Variants in SH3D19 observed in about 807,000 individuals in gnomAD.
SH3D19 encodes the protein SH3 domain-containing protein 19.
SH3D19 carries 58 observed loss-of-function variants against 112.1 expected under a neutral mutation model. That is an observed-to-expected ratio of 0.52 (90% CI 0.42 to 0.64). The LOEUF (loss-of-function observed/expected upper bound fraction) is 0.64. Ranked by LOEUF, SH3D19 falls within the 30% of genes least tolerant of loss-of-function variation. The pLI, the probability that SH3D19 is intolerant of heterozygous loss-of-function variation, is 0.00. For synonymous variants in SH3D19, 391 were observed against 448.5 expected, an observed-to-expected ratio of 0.87 and a Z score of 1.62; for missense variants, 1,090 against 1,263.4, an observed-to-expected ratio of 0.86 and a Z score of 2.08.
intron 19 of SH3D19, among the ~76,000 whole-genome samples, chr4:151,126,867 C>A (rs367784210): frequency 1.1e-5 from 1 of 88,332 alleles, no homozygotes; most frequent in South Asian, 3.9e-4. Context: ...GGCATTTCTT[C>A]GGTGAAAAAA....
intron 1 of SH3D19, among the ~76,000 whole-genome samples, chr4:151,270,784 A>C (rs1773175847): frequency 1.3e-5 from 2 of 152,198 alleles, no homozygotes; most frequent in African/African-American, 4.8e-5. Context: ...CTGTATATGG[A>C]CTAATTCTAG....
At chr4:151,125,013 C>G (rs1273825072) in intron 19 of SH3D19, among the ~76,000 whole-genome samples, 1 of 152,082 alleles carries the variant, frequency 6.6e-6, no homozygotes, top group Admixed American at 6.6e-5. Context: ...AAACGGGATA[C>G]ATTTTGAGCC....
At position 151,124,688 on chromosome 4, in the gene SH3D19, C is replaced by T. The variant is rs1028079849; in HGVS notation, c.3028-2481G>A. Among the ~76,000 whole-genome samples, 7 of 152,066 alleles carry T rather than the reference C, an allele frequency of 4.6e-5. No homozygotes were observed. In the East Asian group the frequency reaches 1.4e-3, roughly 30 times the overall value. On this transcript the variant is annotated intron_variant, in intron 19 of 19. Transcript: ENST00000604030. ...AGCCGAGATCGCGCCGCTGACTGCA[C>T]TCCAGCCTGGGCAGCAGAACAAGAC... is the stretch of plus-strand genomic sequence containing the variant.
intron 1 of SH3D19, chr4:151,282,216 T>G: frequency 6.2e-7 from 1 of 1,613,926 alleles, no homozygotes; most frequent in Non-Finnish European, 8.5e-7. Flanking sequence ...AGGAAACGTG[T>G]GAAGTACTAC....
intron 1 of SH3D19, among the ~76,000 whole-genome samples, chr4:151,271,757 A>AAATCCC (rs1244569461): frequency 6.6e-6 from 1 of 152,248 alleles, no homozygotes; most frequent in East Asian, 1.9e-4. Flanking sequence ...AATAATAAAA[A>AAATCCC]TAACAGCTGC....
At chr4:151,277,069 G>T in intron 1 of SH3D19, 2 of 810,598 alleles carry the variant, frequency 2.5e-6, no homozygotes, top group South Asian at 9.6e-5. Flanking sequence ...TGAAGCAGAG[G>T]AATCCATCTA....
chr4:151,268,318 G>C (rs568810860), intron 1 of SH3D19, among the ~76,000 whole-genome samples: 1 of 150,370 alleles, frequency 6.7e-6, no homozygotes, highest in Non-Finnish European at 1.5e-5. Flanking sequence ...TGGAGCTTGC[G>C]GGAATAGAAG....
In SH3D19 at chr4:151,172,894, C is replaced by A. The variant is rs569759638; in HGVS notation, c.1534+1776G>T. ...GAAGATTTAGAAAGAAGATAGTATT[C>A]AGCTCAGTATAACCCCATAGTCCAG... is the stretch of plus-strand genomic sequence containing the variant. On this transcript the variant is annotated intron_variant, in intron 7 of 19. Coordinates refer to ENST00000604030, the MANE Select transcript of SH3D19 (RefSeq NM_001378122.1). Among the ~76,000 whole-genome samples the A allele has an allele frequency of 3.9e-5, 6 of 152,296 alleles. No homozygotes were observed. The South Asian group carries it at 1.2e-3, about 32-fold the overall frequency.
intron 13 of SH3D19, among the ~76,000 whole-genome samples, chr4:151,139,403 C>T (rs541274817): frequency 1.3e-5 from 2 of 152,172 alleles, no homozygotes; most frequent in South Asian, 4.1e-4. Flanking sequence ...CCGCCTGCCT[C>T]GGCCTCCCAA....
chr4:151,165,203 G>A (rs1757793619), intron 8 of SH3D19, among the ~76,000 whole-genome samples: 1 of 152,272 alleles, frequency 6.6e-6, no homozygotes, highest in South Asian at 2.1e-4. Flanking sequence ...TTAGCCAGGT[G>A]TGGTGGCGTG....
chr4:151,282,448 G>C lies in SH3D19; in HGVS notation c.112+42793C>G, dbSNP rs758150734. On this transcript the variant is annotated intron_variant, in intron 1 of 19. Transcript: ENST00000604030. Reference sequence around the variant, plus strand: ...GGCAGAGAGAAGGGTTGTTTCATATGTCATCCTCTTGTACTCCAGAACATT... The same window carrying C: ...GGCAGAGAGAAGGGTTGTTTCATATCTCATCCTCTTGTACTCCAGAACATT... 19 of 1,608,278 alleles carry C rather than the reference G, an allele frequency of 1.2e-5. No individual in the cohort carries two copies. The African/African-American group carries it at 2.1e-4, about 18-fold the overall frequency.
At chr4:151,268,839 A>G (rs1023773470) in intron 1 of SH3D19, among the ~76,000 whole-genome samples, 5 of 151,088 alleles carry the variant, frequency 3.3e-5, no homozygotes, top group African/African-American at 9.7e-5. Context: ...CCAGTCTATC[A>G]TTGTTGGACA....
intron 1 of SH3D19, among the ~76,000 whole-genome samples, chr4:151,320,985 G>A (rs561118212): frequency 4.3e-4 from 65 of 152,082 alleles, no homozygotes; most frequent in Non-Finnish European, 7.6e-4. Context: ...AGGTTGCAGT[G>A]TGCTGAGATT....
intron 1 of SH3D19, among the ~76,000 whole-genome samples, chr4:151,316,465 T>C (rs2126391666): frequency 6.6e-6 from 1 of 152,220 alleles, no homozygotes; most frequent in South Asian, 2.1e-4. Flanking sequence ...TTAATTGTGA[T>C]GAATCTACCA....
At chr4:151,238,031 A>G (rs892579891) in intron 1 of SH3D19, among the ~76,000 whole-genome samples, 17 of 152,142 alleles carry the variant, frequency 1.1e-4, no homozygotes, top group Non-Finnish European at 2.5e-4. Context: ...AGTAATAAAT[A>G]AGCCCTAAAA....
At chr4:151,241,350 G>A (rs1051659282) in intron 1 of SH3D19, among the ~76,000 whole-genome samples, 1 of 151,790 alleles carries the variant, frequency 6.6e-6, no homozygotes, top group African/African-American at 2.4e-5. Context: ...GAGACCACAT[G>A]TCACATAATT....
intron 9 of SH3D19, among the ~76,000 whole-genome samples, chr4:151,151,311 C>T (rs1755030560): frequency 6.6e-6 from 1 of 151,990 alleles, no homozygotes; most frequent in African/African-American, 2.4e-5. Context: ...ACTTTTCCTA[C>T]TTTCTAAGTC....
rs199592418 is a variant in SH3D19 at position 151,279,799 on chromosome 4, G to A, written c.112+45442C>T. ...TCCCTTTCTTCTCTTTCTCTAGTGT[G>A]TGGGCAACCTGTATACTCCAGCCGC... On this transcript the variant is annotated intron_variant, in intron 1 of 19. Coordinates refer to ENST00000604030, the MANE Select transcript of SH3D19 (RefSeq NM_001378122.1). 1.2e-5 allele frequency: 20 copies of A among 1,613,852 alleles called. No homozygotes were observed. Among genetic ancestry groups the A allele is most frequent in the Non-Finnish European group, 1.6e-5 (19 of 1,179,806 alleles).
chr4:151,252,524 T>A (rs1241236597), intron 1 of SH3D19, among the ~76,000 whole-genome samples: 1 of 152,182 alleles, frequency 6.6e-6, no homozygotes, highest in African/African-American at 2.4e-5. Flanking sequence ...TCATGAAACT[T>A]AGGTGGGCTC....
Sources: allele counts gnomAD v4.1 joint callset (sites outside exome capture counted in the v4.1 genomes callset), GRCh38; gene constraint gnomAD v4.1.1; transcripts MANE v1.5; gene names NCBI Gene and HGNC (gene_info 2026-07-23, HGNC 2026-07-21).